CFAP54: variants seen among roughly 807,000 people sequenced by gnomAD.
CFAP54 encodes cilia and flagella associated protein 54.
Under a neutral mutation model 370.4 loss-of-function variants are expected in CFAP54, and 290 were observed. The observed-to-expected ratio is 0.78, with a 90% CI of 0.71 to 0.86. CFAP54 has a LOEUF of 0.86. Ranked by LOEUF, CFAP54 falls within the 40% of genes least tolerant of loss-of-function variation. The pLI is 0.00. For synonymous variants in CFAP54, 1,206 were observed against 1,236.5 expected (o/e 0.98, Z 0.52); for missense variants, 3,399 against 3,528.7 (o/e 0.96, Z 0.93).
At chr12:96,676,219 G>T (rs906720823) in intron 39 of CFAP54, among the ~76,000 whole-genome samples, 1 of 152,140 alleles carries the variant, frequency 6.6e-6, no homozygotes, top group Non-Finnish European at 1.5e-5. Flanking sequence ...GAGCCATCCT[G>T]ATTTTGGTGA....
At chr12:96,507,514 G>A (rs1317754380) in intron 4 of CFAP54, among the ~76,000 whole-genome samples, 2 of 135,086 alleles carry the variant, frequency 1.5e-5, no homozygotes, top group Admixed American at 7.9e-5. Context: ...GAGGACTGCT[G>A]AGGAACACAC....
Position 96,784,744 on chromosome 12 carries a change from C to T in CFAP54, c.8309C>T (p.Ser2770Phe). The change falls in exon 61 of 68, where the codon TCC becomes TTC. Residue 2770 changes from serine to phenylalanine, a missense_variant. Coordinates refer to ENST00000524981, the MANE Select transcript of CFAP54 (RefSeq NM_001306084.2). The part of the protein sequence containing the change: ...LDNYQVLFQT[S>F]CTFLYQNDDV... ...AACTACCAAGTCCTCTTCCAGACTTCCTGTACATTTTTGTACCAAAATGAT... is the reference window on the plus strand; with the variant it reads ...AACTACCAAGTCCTCTTCCAGACTTTCTGTACATTTTTGTACCAAAATGAT... 2 of 1,528,232 alleles carry T rather than the reference C, an allele frequency of 1.3e-6. No individual in the cohort carries two copies. The highest frequency in any genetic ancestry group is 1.7e-6 in the Non-Finnish European group (2 of 1,143,546). 94.7% of individuals were successfully genotyped at this position (1,528,232 alleles called of 1,614,324 possible).
intron 4 of CFAP54, among the ~76,000 whole-genome samples, chr12:96,507,459 C>A (rs1379322307): frequency 6.6e-6 from 1 of 151,820 alleles, no homozygotes; most frequent in Non-Finnish European, 1.5e-5. Context: ...AACAACTTGG[C>A]TTTGGGTTTC....
At chr12:96,802,118 G>A (rs1462102506) in intron 63 of CFAP54, among the ~76,000 whole-genome samples, 1 of 152,022 alleles carries the variant, frequency 6.6e-6, no homozygotes, top group Non-Finnish European at 1.5e-5. Flanking sequence ...TTGAGTTGAT[G>A]TGGCAGCAGC....
rs1391573094 is a variant in CFAP54 at position 96,644,204 on chromosome 12, C to A, written c.4343C>A (p.Ala1448Glu). ...AATAGGAGAACCAGTGTTAGGAAAG[C>A]AGCACAACGATACCTGATGGATTAC... ...ERNRRTSVRK[A>E]AQRYLMDYLN... The change falls in exon 33 of 68, where the codon GCA becomes GAA. Residue 1448 changes from alanine (A) to glutamate (E), a missense_variant. Physicochemically the swap from Ala to Glu is moderately radical, Grantham distance 107. Around this residue, in one of 3 missense-constraint regions of CFAP54, gnomAD observed 2,796 missense variants for 2,869.7 expected, o/e 0.97. Transcript: ENST00000524981. The A allele has an allele frequency of 6.5e-7, 1 of 1,535,500 alleles. No homozygotes were observed. Among genetic ancestry groups the A allele is most frequent in the Non-Finnish European group, 8.7e-7 (1 of 1,146,482 alleles).
At chr12:96,707,657 T>C (rs534203349) in intron 47 of CFAP54, among the ~76,000 whole-genome samples, 7 of 152,188 alleles carry the variant, frequency 4.6e-5, no homozygotes, top group Admixed American at 6.5e-5. Flanking sequence ...ATTTATGATA[T>C]AGGAGAGAAT....
intron 50 of CFAP54, among the ~76,000 whole-genome samples, chr12:96,725,827 C>G: frequency 6.6e-6 from 1 of 151,578 alleles, no homozygotes; most frequent in Non-Finnish European, 1.5e-5. Context: ...ATAGATAGCT[C>G]TTATTATTTT....
At position 96,650,065 on chromosome 12, in the gene CFAP54, G is replaced by A. The variant is rs2136501738; in HGVS notation, c.4865G>A (p.Arg1622Lys). 2 of 1,606,256 alleles carry A rather than the reference G, an allele frequency of 1.2e-6. No homozygotes were observed. The highest frequency in any genetic ancestry group is 1.1e-5 in the South Asian group (1 of 88,882). Residue 1622 changes from arginine (R) to lysine (K), a missense_variant, in exon 35 of 68, where the codon AGA becomes AAA. By Grantham distance (26) the Arg-to-Lys change is conservative. Transcript: ENST00000524981. ...HFMKIFLYCR[R>K]AMVLAHRGGY... ...ATGAAAATCTTTTTATACTGCAGGA[G>A]AGCAATGGTAATGCAATCTTTCTTG...
chr12:96,725,954 T>C (rs1442420896), intron 50 of CFAP54, among the ~76,000 whole-genome samples: 3 of 149,186 alleles, frequency 2.0e-5, no homozygotes, highest in Non-Finnish European at 4.5e-5. Flanking sequence ...TTGTCTTTGG[T>C]TCTGTTTATA....
At chr12:96,593,123 G>A (rs1002132638) in intron 24 of CFAP54, among the ~76,000 whole-genome samples, 1 of 151,980 alleles carries the variant, frequency 6.6e-6, no homozygotes, top group African/African-American at 2.4e-5. Flanking sequence ...TGTCACATTT[G>A]TTTCAATTAT....
At chr12:96,638,204 C>CATATATAT (rs1491263304) in intron 32 of CFAP54, among the ~76,000 whole-genome samples, 16 of 72,090 alleles carry the variant, frequency 2.2e-4, no homozygotes, top group Middle Eastern at 7.1e-3. Flanking sequence ...TATATATATG[C>CATATATAT]ATGTGTGTGT....
At chr12:96,780,487 G>A (rs1958570529) in intron 60 of CFAP54, among the ~76,000 whole-genome samples, 1 of 152,178 alleles carries the variant, frequency 6.6e-6, no homozygotes, top group Admixed American at 6.5e-5. Flanking sequence ...CACTATGTGG[G>A]GTGAGAGAGA....
chr12:96,753,508 G>T (rs1420650), intron 55 of CFAP54, among the ~76,000 whole-genome samples: 51,282 of 151,970 alleles, frequency 0.34, 9,208 homozygotes, highest in East Asian at 0.58. Flanking sequence ...ATTTAAAAAA[G>T]AAGAAAACAT....
intron 28 of CFAP54, 100 bp downstream of exon 28, chr12:96,623,981 AC>A (rs1956526765): frequency 1.3e-6 from 1 of 781,418 alleles, no homozygotes; most frequent in Non-Finnish European, 2.1e-6. Flanking sequence ...CATTTGGTAA[AC>A]CCTTTAAGGT....
chr12:96,573,046 T>C (rs1383793009), intron 19 of CFAP54: 1 of 985,278 alleles, frequency 1.0e-6, no homozygotes, highest in Non-Finnish European at 1.2e-6. Context: ...TCAGTGGAGA[T>C]GGAGGTCAAA....
At chr12:96,492,602 A>G (rs982168657) in intron 1 of CFAP54, among the ~76,000 whole-genome samples, 2 of 151,946 alleles carry the variant, frequency 1.3e-5, no homozygotes, top group Non-Finnish European at 2.9e-5. Flanking sequence ...GTGACTTTGG[A>G]TGTGTTTCTT....
chr12:96,628,679 A>G (rs1956571425), intron 30 of CFAP54, among the ~76,000 whole-genome samples: 1 of 152,174 alleles, frequency 6.6e-6, no homozygotes, highest in African/African-American at 2.4e-5. Flanking sequence ...GATTCTTAGG[A>G]TTGTTACAGC....
chr12:96,862,622 G>A (rs951108783), intron 67 of CFAP54, among the ~76,000 whole-genome samples: 2 of 152,056 alleles, frequency 1.3e-5, no homozygotes, highest in African/African-American at 4.8e-5. Context: ...AAGACTGATA[G>A]GAAACCATCT....
intron 15 of CFAP54, among the ~76,000 whole-genome samples, chr12:96,551,162 T>TTGGGAGGCTGAGG (rs112304962): frequency 0.13 from 20,206 of 151,976 alleles, 2,204 homozygotes; most frequent in East Asian, 0.51. Flanking sequence ...TCCTAGCTAC[T>TTGGGAGGCTGAGG]TGGGAGGATC....
Sources: gnomAD v4.1 joint callset for allele counts (sites outside exome capture counted in the v4.1 genomes callset) on GRCh38, gnomAD v4.1.1 for gene constraint, gnomAD v4.1.1 regional missense constraint, MANE v1.5 for transcripts, NCBI Gene and HGNC (gene_info 2026-07-23, HGNC 2026-07-21) for gene names.